The following AK7 variants were observed in gnomAD, a reference collection of about 807,000 sequenced individuals.
AK7 encodes adenylate kinase 7.
In AK7, 78 loss-of-function variants were observed where a neutral mutation model predicts 96.6. That is an observed-to-expected ratio of 0.81 (90% confidence interval 0.67 to 0.97). The LOEUF is 0.97. AK7 is among the 50% of genes least tolerant of loss of function. AK7 has a pLI of 0.00. For missense variants in AK7, 855 were observed against 887.9 expected (o/e 0.96, Z 0.47); for synonymous variants, 302 against 317.2 (o/e 0.95, Z 0.51).
intron 8 of AK7, among the ~76,000 whole-genome samples, chr14:96,448,019 C>T (rs897340034): frequency 1.2e-4 from 18 of 151,344 alleles, no homozygotes; most frequent in African/African-American, 3.9e-4. Flanking sequence ...GTCCCAGATA[C>T]TCAGGAGGCT....
In AK7 at chr14:96,456,340, C is replaced by T. The variant is rs748610351; in HGVS notation, c.1099-7C>T. 3 of 1,586,510 alleles carry T rather than the reference C, an allele frequency of 1.9e-6. No individual in the cohort carries two copies. The highest frequency in any genetic ancestry group is 2.6e-6 in the Non-Finnish European group (3 of 1,162,924). On this transcript the variant is annotated splice_polypyrimidine_tract_variant and splice_region_variant and intron_variant, in intron 10 of 17. Transcript: ENST00000267584. Reference sequence around the variant, plus strand: ...TGCTGTATGTTCCTTACTCTCTCCTCTTTCAGCCAATCAAGATCTGCATTC... The same window carrying T: ...TGCTGTATGTTCCTTACTCTCTCCTTTTTCAGCCAATCAAGATCTGCATTC...
At chr14:96,442,654 C>G (rs1814104570) in intron 6 of AK7, 76 bp from the exon 7 acceptor site, 1 of 1,142,164 alleles carries the variant, frequency 8.8e-7, no homozygotes, top group African/African-American at 1.5e-5. Flanking sequence ...TTGCCTCTGA[C>G]TGTAGACTTA....
chr14:96,395,646 A>G (rs1036015782), intron 1 of AK7, among the ~76,000 whole-genome samples: 4 of 142,028 alleles, frequency 2.8e-5, no homozygotes, highest in African/African-American at 1.0e-4. Flanking sequence ...TTGAGGCTAC[A>G]GTGAGCTGTG....
chr14:96,480,735 A>G (rs529269743), intron 15 of AK7, among the ~76,000 whole-genome samples: 1 of 152,218 alleles, frequency 6.6e-6, no homozygotes, highest in African/African-American at 2.4e-5. Context: ...GAAAAAAAAT[A>G]AGTAACAGGG....
chr14:96,452,280 A>G (rs1379683776), intron 10 of AK7, among the ~76,000 whole-genome samples: 2 of 152,122 alleles, frequency 1.3e-5, no homozygotes, highest in African/African-American at 4.8e-5. Flanking sequence ...ATTCTTATCT[A>G]TATAGTATAG....
chr14:96,483,404 T>A (rs1031265914), intron 16 of AK7, among the ~76,000 whole-genome samples, 185 bp downstream of exon 16: 1 of 151,930 alleles, frequency 6.6e-6, no homozygotes, highest in Non-Finnish European at 1.5e-5. Flanking sequence ...CATGGTCTTT[T>A]GCTTAGTTTT....
chr14:96,448,968 AC>A (rs201641317), intron 8 of AK7, among the ~76,000 whole-genome samples: 14,820 of 149,196 alleles, frequency 0.099, 873 homozygotes, highest in East Asian at 0.15. Context: ...AAACAAACAA[AC>A]AAAAAAATTG....
chr14:96,443,780 A>ATTTTTTTTT (rs60861399), intron 7 of AK7, among the ~76,000 whole-genome samples: 7 of 137,628 alleles, frequency 5.1e-5, no homozygotes, highest in African/African-American at 8.3e-5. Flanking sequence ...AAAACTCATA[A>ATTTTTTTTT]TTTTTTTTTT....
At chr14:96,463,631 A>T (rs1343093105) in intron 12 of AK7, among the ~76,000 whole-genome samples, 5 of 150,582 alleles carry the variant, frequency 3.3e-5, no homozygotes, top group Non-Finnish European at 7.4e-5. Flanking sequence ...GAGGCAGGAG[A>T]ATGGTGTGAA....
chr14:96,456,541 A>G (rs2140123584), intron 11 of AK7, 66 bp downstream of exon 11: 2 of 1,550,090 alleles, frequency 1.3e-6, no homozygotes, highest in Non-Finnish European at 8.8e-7. Context: ...GGGTATAAAG[A>G]TGTATATGAT....
intron 9 of AK7, among the ~76,000 whole-genome samples, chr14:96,450,915 C>T (rs886721837): frequency 3.3e-5 from 5 of 151,762 alleles, no homozygotes; most frequent in Admixed American, 6.6e-5. Flanking sequence ...GCTGGGACTA[C>T]GGGCGCCTGC....
chr14:96,448,984 G>GA (rs34078969), intron 8 of AK7, among the ~76,000 whole-genome samples: 3 of 148,794 alleles, frequency 2.0e-5, no homozygotes, highest in South Asian at 2.1e-4. Context: ...AAATTGTGGG[G>GA]AAAAAAAAAA....
At chr14:96,484,060 A>C (rs1023586499) in intron 16 of AK7, among the ~76,000 whole-genome samples, 1 of 151,864 alleles carries the variant, frequency 6.6e-6, no homozygotes, top group Non-Finnish European at 1.5e-5. Context: ...CAAGACCTTG[A>C]CTCTACTAAA....
chr14:96,426,817 C>T (rs1892054171), intron 5 of AK7, among the ~76,000 whole-genome samples: 1 of 152,176 alleles, frequency 6.6e-6, no homozygotes, highest in South Asian at 2.1e-4. Context: ...TTTCTTTTCT[C>T]TTGCTGCTTT....
At chr14:96,483,243 G>A (rs1895603667) in intron 16 of AK7, 24 bp downstream of exon 16, 7 of 1,570,198 alleles carry the variant, frequency 4.5e-6, no homozygotes, top group Non-Finnish European at 4.3e-6. Context: ...GTGTTTGTGA[G>A]TCTGTGTATC....
At chr14:96,420,089 C>T (rs1274592282) in intron 4 of AK7, among the ~76,000 whole-genome samples, 1 of 151,820 alleles carries the variant, frequency 6.6e-6, no homozygotes, top group Non-Finnish European at 1.5e-5. Context: ...TGGTCTCGAA[C>T]TCCAGACGTC....
chr14:96,404,684 T>G, intron 2 of AK7, 73 bp from the exon 3 acceptor site: 2 of 1,033,644 alleles, frequency 1.9e-6, no homozygotes, highest in Non-Finnish European at 3.0e-6. Context: ...TTTTGAAAAT[T>G]ATCATTTCAT....
intron 5 of AK7, among the ~76,000 whole-genome samples, chr14:96,428,623 C>G (rs1283495065): frequency 6.6e-6 from 1 of 152,074 alleles, no homozygotes; most frequent in South Asian, 2.1e-4. Context: ...TCTCCAGCAC[C>G]GTTGTTTCCT....
rs1480598205 is a variant in AK7 at position 96,408,906 on chromosome 14, G to T, written c.463G>T (p.Val155Leu). 1 of 1,614,120 alleles carries T rather than the reference G, an allele frequency of 6.2e-7. No individual in the cohort carries two copies. The highest frequency in any genetic ancestry group is 8.5e-7 in the Non-Finnish European group (1 of 1,180,040). ...AAAGCTATTTATTTTACTGTCGACG[G>T]TGATGACTTGGGCGCGCTCCAAAGC... ...KRKLFILLSTVMTWARSKALD... is the reference protein window; with the variant it reads ...KRKLFILLSTLMTWARSKALD... The change falls in exon 4 of 18, where the codon GTG becomes TTG. Residue 155 changes from valine to leucine, a missense_variant. Coordinates refer to ENST00000267584, the MANE Select transcript of AK7 (RefSeq NM_152327.5).
Sources: allele counts gnomAD v4.1 joint callset (sites outside exome capture counted in the v4.1 genomes callset), GRCh38; gene constraint gnomAD v4.1.1; transcripts MANE v1.5; gene names NCBI Gene and HGNC (gene_info 2026-07-23, HGNC 2026-07-21).